Variants in KAZN observed in about 807,000 individuals in gnomAD.
KAZN encodes the protein kazrin, periplakin interacting protein, also known as kazrin.
A neutral mutation model predicts 87.4 loss-of-function variants in KAZN; 40 were observed. The ratio of observed to expected loss-of-function variants is 0.46; its 90% CI spans 0.36 to 0.60. The LOEUF (loss-of-function observed/expected upper bound fraction) is 0.60, where lower values mean the gene tolerates loss of function less well. Ranked by LOEUF, KAZN falls within the 20% of genes least tolerant of loss-of-function variation. KAZN has a pLI of 0.00. For synonymous variants in KAZN, 466 were observed against 458.3 expected, an observed-to-expected ratio of 1.02 and a Z score of -0.22; for missense variants, 898 against 1,073.9, an observed-to-expected ratio of 0.84 and a Z score of 2.29.
At chr1:14,686,789 C>T (rs372578996) in intron 1 of KAZN, among the ~76,000 whole-genome samples, 4 of 152,232 alleles carry the variant, frequency 2.6e-5, no homozygotes, top group Non-Finnish European at 4.4e-5. Flanking sequence ...AGAACATTTG[C>T]GGTGGGGCTG....
At chr1:14,177,570 T>A (rs1394053111) in intron 1 of KAZN, among the ~76,000 whole-genome samples, 1 of 152,204 alleles carries the variant, frequency 6.6e-6, no homozygotes, top group Non-Finnish European at 1.5e-5. Context: ...TTGCTTTCAG[T>A]ACTTTCGAAA....
intron 2 of KAZN, among the ~76,000 whole-genome samples, chr1:14,512,397 G>T (rs1265055445): frequency 6.6e-6 from 1 of 152,080 alleles, no homozygotes; most frequent in Non-Finnish European, 1.5e-5. Flanking sequence ...CGGGATGCCA[G>T]CAGCACTCAC....
At chr1:14,380,029 A>C (rs1447611391) in intron 2 of KAZN, among the ~76,000 whole-genome samples, 1 of 152,224 alleles carries the variant, frequency 6.6e-6, no homozygotes, top group Non-Finnish European at 1.5e-5. Flanking sequence ...CAGAACAGAG[A>C]GACTCCATTT....
At chr1:13,917,811 A>AAAAG (rs1639914498) in intron 1 of KAZN, among the ~76,000 whole-genome samples, 1 of 151,584 alleles carries the variant, frequency 6.6e-6, no homozygotes, top group African/African-American at 2.4e-5. Flanking sequence ...AAAAAAAAAA[A>AAAAG]AAAAAAAAGG....
At chr1:14,266,591 C>T (rs1018455675) in intron 2 of KAZN, among the ~76,000 whole-genome samples, 4 of 152,152 alleles carry the variant, frequency 2.6e-5, no homozygotes, top group Non-Finnish European at 4.4e-5. Context: ...TAAAAACACA[C>T]AAGATAATAA....
At chr1:14,768,739 G>T (rs1644948067) in intron 1 of KAZN, among the ~76,000 whole-genome samples, 1 of 152,242 alleles carries the variant, frequency 6.6e-6, no homozygotes, top group Admixed American at 6.5e-5. Context: ...GGCAGGTAGT[G>T]TAGGCCAGTG....
chr1:14,782,651 T>C (rs1193857302), intron 1 of KAZN, among the ~76,000 whole-genome samples: 1 of 151,802 alleles, frequency 6.6e-6, no homozygotes, highest in East Asian at 1.9e-4. Flanking sequence ...TTTTAGTAAT[T>C]GAAGAGGCCT....
intron 2 of KAZN, among the ~76,000 whole-genome samples, chr1:14,425,461 C>A (rs972750701): frequency 3.3e-5 from 5 of 152,154 alleles, no homozygotes; most frequent in Admixed American, 6.5e-5. Context: ...CACTGCCATG[C>A]CCTCACATGT....
chr1:14,882,733 C>G (rs868417254), intron 1 of KAZN, among the ~76,000 whole-genome samples: 4 of 152,182 alleles, frequency 2.6e-5, no homozygotes, highest in African/African-American at 9.7e-5. Context: ...AATTATAGCA[C>G]AGTTTTAAAA....
chr1:14,399,985 T>TA (rs542189392), intron 2 of KAZN, among the ~76,000 whole-genome samples: 2 of 151,898 alleles, frequency 1.3e-5, no homozygotes, highest in Non-Finnish European at 2.9e-5. Context: ...TGAATTAAAA[T>TA]AAAAAAAGAA....
At chr1:14,736,299 G>GTGTGTGTGTGTGTGTGTA (rs1214411509) in intron 1 of KAZN, among the ~76,000 whole-genome samples, 17 of 121,096 alleles carry the variant, frequency 1.4e-4, no homozygotes, top group African/African-American at 5.0e-4. Context: ...GTGTGTGTGT[G>GTGTGTGTGTGTGTGTGTA]TATATTTTTT....
intron 1 of KAZN, among the ~76,000 whole-genome samples, chr1:13,998,230 A>C (rs1336631457): frequency 6.6e-6 from 1 of 152,238 alleles, no homozygotes; most frequent in Non-Finnish European, 1.5e-5. Context: ...GGAAGCTCTA[A>C]ACATGGAAAG....
At chr1:14,096,571 T>C (rs1160708090) in intron 1 of KAZN, among the ~76,000 whole-genome samples, 1 of 152,212 alleles carries the variant, frequency 6.6e-6, no homozygotes, top group African/African-American at 2.4e-5. Flanking sequence ...ATATCTCAAG[T>C]GATCAGGAGA....
intron 2 of KAZN, among the ~76,000 whole-genome samples, chr1:14,389,811 T>C (rs914645318): frequency 1.3e-5 from 2 of 152,110 alleles, no homozygotes; most frequent in Non-Finnish European, 1.5e-5. Context: ...AGGGTGATTA[T>C]AGTAAAAAAA....
chr1:14,826,961 G>A (rs1224198787), intron 1 of KAZN, among the ~76,000 whole-genome samples: 1 of 152,162 alleles, frequency 6.6e-6, no homozygotes, highest in Non-Finnish European at 1.5e-5. Context: ...AGCTCTCCGA[G>A]TCCCAGTGTC....
Position 14,599,356 on chromosome 1 carries a change from C to G in KAZN, c.226+133C>G, listed in dbSNP as rs1177736745. 2 of 953,288 alleles carry G rather than the reference C, an allele frequency of 2.1e-6. No individual in the cohort carries two copies. The highest frequency in any genetic ancestry group is 2.7e-6 in the Non-Finnish European group (2 of 737,902). 59.1% of individuals were successfully genotyped at this position (953,288 alleles called of 1,614,324 possible). ...CATTCTGGCTTGTAACCCTTTCCGC[C>G]CGGCGGTGGCCACCGCTGCTCTCCG... On this transcript the variant is annotated intron_variant, in intron 1 of 14. Transcript: ENST00000376030. This position sits in a 1 kb window ranked among gnomAD's most constrained non-coding sequence, Gnocchi z 4.4.
At position 14,381,611 on chromosome 1, in the gene KAZN, C is replaced by T. The variant is rs12062101; in HGVS notation, c.249+201019C>T. 3.1e-3 allele frequency among the ~76,000 whole-genome samples: 467 copies of T among 151,940 alleles called. 3 individuals carry two copies. The highest frequency in any genetic ancestry group is 0.01 in the African/African-American group (431 of 41,418). On this transcript the variant is annotated intron_variant, in intron 2 of 16. Coordinates refer to the KAZN transcript ENST00000636203. ...TTTCAATTGATGCTGAAAAAGTAGC[C>T]GATAAATTCAACAGCCATTCATGAT...
At chr1:14,971,285 C>G (rs1664998154) in intron 2 of KAZN, among the ~76,000 whole-genome samples, 1 of 152,188 alleles carries the variant, frequency 6.6e-6, no homozygotes, top group South Asian at 2.1e-4. Flanking sequence ...GTAATCCCAG[C>G]TACTCAGGAG....
chr1:14,552,676 G>A (rs1264428451), intron 2 of KAZN, among the ~76,000 whole-genome samples: 1 of 152,200 alleles, frequency 6.6e-6, no homozygotes, highest in Non-Finnish European at 1.5e-5. Flanking sequence ...TTCCAAGGGG[G>A]TGAGCAGCTG....
Sources: gnomAD v4.1 joint callset for allele counts (sites outside exome capture counted in the v4.1 genomes callset) on GRCh38, gnomAD v4.1.1 for gene constraint, Gnocchi (gnomAD v3.1) non-coding constraint, MANE v1.5 for transcripts, NCBI Gene and HGNC (gene_info 2026-07-23, HGNC 2026-07-21) for gene names.